The following IP6K1 variants were observed in gnomAD, a reference collection of about 807,000 sequenced individuals.
The protein encoded by IP6K1 is inositol hexakisphosphate kinase 1.
A neutral mutation model predicts 38.3 loss-of-function variants in IP6K1; 13 were observed. That is an observed-to-expected ratio of 0.34 (90% CI 0.22 to 0.54). The LOEUF (loss-of-function observed/expected upper bound fraction) is 0.54, where lower values mean the gene tolerates loss of function less well. Ranked by LOEUF, IP6K1 falls within the 20% of genes least tolerant of loss-of-function variation. The pLI is 0.92. For synonymous variants in IP6K1, 212 were observed against 229.9 expected, an observed-to-expected ratio of 0.92 and a Z score of 0.70; for missense variants, 397 against 599.8, an observed-to-expected ratio of 0.66 and a Z score of 3.53.
intron 1 of IP6K1, among the ~76,000 whole-genome samples, chr3:49,778,320 G>A (rs1336220236): frequency 2.8e-5 from 4 of 144,150 alleles, no homozygotes; most frequent in Admixed American, 7.0e-5. Flanking sequence ...AGTGAGACTC[G>A]GTCTCAAAAA....
At chr3:49,739,619 C>T (rs1575308338) in intron 2 of IP6K1, among the ~76,000 whole-genome samples, 2 of 152,214 alleles carry the variant, frequency 1.3e-5, no homozygotes, top group Admixed American at 1.3e-4. Flanking sequence ...TCCCAAAGTG[C>T]TGGGATTACA....
intron 1 of IP6K1, among the ~76,000 whole-genome samples, chr3:49,778,754 T>G (rs1035293237): frequency 6.6e-6 from 1 of 152,154 alleles, no homozygotes; most frequent in East Asian, 1.9e-4. Context: ...GACTCCCCAG[T>G]AGCTGGAGTT....
At chr3:49,765,693 T>C (rs1258189799) in intron 1 of IP6K1, among the ~76,000 whole-genome samples, 2 of 150,068 alleles carry the variant, frequency 1.3e-5, no homozygotes, top group Non-Finnish European at 3.0e-5. Context: ...CTTTGGTTTA[T>C]CATTTATCTC....
chr3:49,771,957 T>G (rs2108258616), intron 1 of IP6K1, among the ~76,000 whole-genome samples: 1 of 152,272 alleles, frequency 6.6e-6, no homozygotes, highest in South Asian at 2.1e-4. Context: ...CTCACACCTG[T>G]AATCCCAACA....
At chr3:49,767,395 A>G (rs2080920854) in intron 1 of IP6K1, among the ~76,000 whole-genome samples, 6 of 152,092 alleles carry the variant, frequency 3.9e-5, no homozygotes, top group Admixed American at 3.9e-4. Context: ...CCTGGCTAAC[A>G]TGGTGAAACC....
chr3:49,752,821 T>C (rs979981689), intron 1 of IP6K1, among the ~76,000 whole-genome samples: 1 of 150,914 alleles, frequency 6.6e-6, no homozygotes, highest in African/African-American at 2.4e-5. Flanking sequence ...TGGTGCGATC[T>C]TGGCTTACTG....
At chr3:49,738,490 G>A in intron 2 of IP6K1, 68 bp from the exon 3 acceptor site, 1 of 1,231,482 alleles carries the variant, frequency 8.1e-7, no homozygotes, top group Non-Finnish European at 1.2e-6. Flanking sequence ...ACAGACTGTT[G>A]GCACTCACTT....
chr3:49,783,856 T>C (rs1195468878), intron 1 of IP6K1, among the ~76,000 whole-genome samples: 1 of 151,536 alleles, frequency 6.6e-6, no homozygotes, highest in Non-Finnish European at 1.5e-5. Flanking sequence ...AATAAATAAC[T>C]AAAGACTACT....
rs980536398 is a variant in IP6K1, at chr3:49,724,517, C to T, written c.*2605G>A. 6.6e-6 allele frequency: 1 copy of T among 152,298 alleles called. No individual in the cohort carries two copies. The highest frequency in any genetic ancestry group is 6.5e-5 in the Admixed American group (1 of 15,288). The allele number at this position is 152,298 out of a possible 1,614,324, so 9.4% of individuals were successfully genotyped here. ...GCAGCAGAGAGCGATTCCCAGAACG[C>T]GAGGGCTTACAGTTCCCCGAGAAGC... On this transcript the variant is annotated 3_prime_UTR_variant, in exon 6 of 6. Transcript: ENST00000321599.
At chr3:49,730,842 G>A (rs1575302960) in intron 4 of IP6K1, among the ~76,000 whole-genome samples, 1 of 151,754 alleles carries the variant, frequency 6.6e-6, no homozygotes, top group African/African-American at 2.4e-5. Context: ...TCAGCCTCCC[G>A]AGCAGCTAGG....
chr3:49,752,411 C>G (rs2080785997), intron 1 of IP6K1, among the ~76,000 whole-genome samples: 1 of 151,532 alleles, frequency 6.6e-6, no homozygotes. Context: ...TGGCGTGGAA[C>G]CTGGGAGGCA....
intron 1 of IP6K1, among the ~76,000 whole-genome samples, chr3:49,766,004 G>A (rs1303314190): frequency 2.6e-5 from 4 of 151,812 alleles, no homozygotes; most frequent in Non-Finnish European, 4.4e-5. Context: ...GTGAAAGCCC[G>A]TCTCTACTAA....
chr3:49,760,142 T>G (rs904071132), intron 1 of IP6K1, among the ~76,000 whole-genome samples: 27 of 152,168 alleles, frequency 1.8e-4, no homozygotes, highest in African/African-American at 6.5e-4. Context: ...GTGATCCTCC[T>G]GCCTTGGCCT....
intron 1 of IP6K1, among the ~76,000 whole-genome samples, chr3:49,779,698 T>C (rs903724503): frequency 6.6e-6 from 1 of 152,112 alleles, no homozygotes; most frequent in Non-Finnish European, 1.5e-5. Flanking sequence ...TTTTCTTTTC[T>C]TTTTAGAGAC....
chr3:49,738,231 A>G lies in IP6K1; in HGVS notation c.415T>C (p.Ser139Pro). 6.2e-7 allele frequency: 1 copy of G among 1,614,152 alleles called. No homozygotes were observed. Among genetic ancestry groups the G allele is most frequent in the East Asian group, 2.2e-5 (1 of 44,888 alleles). The change falls in exon 3 of 6, where the codon TCC becomes CCC. Residue 139 changes from serine to proline, a missense_variant. This residue lies in a region of IP6K1 where 171 missense variants were observed against 237.0 expected (regional missense o/e 0.72). Transcript: ENST00000321599. ...TCTTACCTCTCAGAGGTCTCAAGGG[A>G]CAGGCTGGCTTTCTCCTCCTTGTGG... ...SDHKEEKASL[S>P]LETSESSQEA... is the part of the protein sequence containing the mutation.
chr3:49,758,858 G>A (rs1043822006), intron 1 of IP6K1, among the ~76,000 whole-genome samples: 2 of 151,970 alleles, frequency 1.3e-5, no homozygotes, highest in Non-Finnish European at 2.9e-5. Context: ...TACTCTGGGA[G>A]GCTGAGACAG....
chr3:49,784,193 G>A lies in IP6K1; in HGVS notation c.-129+2161C>T, dbSNP rs113731985. ...GTATTTTTAGTAGACATGGGATTTT[G>A]CCATTTTGGATAGGCTAATCTCTTA... is the stretch of plus-strand genomic sequence containing the variant. On this transcript the variant is annotated intron_variant, in intron 1 of 5. Transcript: ENST00000321599. Among the ~76,000 whole-genome samples, 420 of 151,934 alleles carry A rather than the reference G, an allele frequency of 2.8e-3. 3 individuals carry two copies. Among genetic ancestry groups the A allele is most frequent in the African/African-American group, 9.4e-3 (390 of 41,464 alleles).
At chr3:49,752,134 T>C (rs749447307) in intron 1 of IP6K1, among the ~76,000 whole-genome samples, 1 of 152,050 alleles carries the variant, frequency 6.6e-6, no homozygotes, top group Non-Finnish European at 1.5e-5. Flanking sequence ...GCCTCCAAAA[T>C]AGCTGGGACT....
At chr3:49,764,104 T>C (rs2080888636) in intron 1 of IP6K1, among the ~76,000 whole-genome samples, 1 of 151,870 alleles carries the variant, frequency 6.6e-6, no homozygotes, top group African/African-American at 2.4e-5. Context: ...CTATAGCTAC[T>C]GGGTGCGGTG....
Sources: allele counts gnomAD v4.1 joint callset (sites outside exome capture counted in the v4.1 genomes callset), GRCh38; gene constraint gnomAD v4.1.1; regional missense constraint gnomAD v4.1.1; transcripts MANE v1.5; gene names NCBI Gene and HGNC (gene_info 2026-07-23, HGNC 2026-07-21).